Variants in BRMS1L observed in about 807,000 individuals in gnomAD.
The protein encoded by BRMS1L is breast cancer metastasis-suppressor 1-like protein.
BRMS1L carries 23 observed loss-of-function variants against 50.3 expected under a neutral mutation model. The ratio of observed to expected loss-of-function variants is 0.46; its 90% confidence interval spans 0.33 to 0.65. The LOEUF is 0.65. Among genes scored for constraint, BRMS1L ranks in the 30% least tolerant of loss-of-function variants. The probability of loss-of-function intolerance (pLI) is 0.02; values close to 1 mark genes in which losing one functional copy is unlikely to be tolerated. For synonymous variants in BRMS1L, 114 were observed against 126.9 expected (o/e 0.90, Z 0.69); for missense variants, 286 against 386.1 (o/e 0.74, Z 2.17).
intron 4 of BRMS1L, among the ~76,000 whole-genome samples, chr14:35,852,992 A>G (rs1276206167): frequency 6.7e-6 from 1 of 149,370 alleles, no homozygotes; most frequent in Non-Finnish European, 1.5e-5. Context: ...TTATATCTGT[A>G]TCTATCTATC....
chr14:35,866,604 CTGA>C (rs1490842587), intron 8 of BRMS1L, among the ~76,000 whole-genome samples: 2 of 152,110 alleles, frequency 1.3e-5, no homozygotes, highest in African/African-American at 2.4e-5. Context: ...TCTTGGGAGG[CTGA>C]GGTGGGAGGA....
rs139825231 is a variant in BRMS1L at position 35,852,909 on chromosome 14, C to G, written c.442-9681C>G. Among the ~76,000 whole-genome samples the G allele has an allele frequency of 6.5e-3, 980 of 151,296 alleles. 15 individuals are homozygous for G. The highest frequency in any genetic ancestry group is 0.023 in the African/African-American group (956 of 41,200). ...TAGTGTCACTGCTGTCCGGCCTGGG[C>G]GAAAGAGCGAGGCTCCGTCTCAAAA... On this transcript the variant is annotated intron_variant, in intron 4 of 9. Coordinates refer to ENST00000216807, the MANE Select transcript of BRMS1L (RefSeq NM_032352.4).
intron 4 of BRMS1L, among the ~76,000 whole-genome samples, chr14:35,852,461 C>A (rs1456915009): frequency 6.6e-6 from 1 of 152,148 alleles, no homozygotes; most frequent in Admixed American, 6.5e-5. Flanking sequence ...TCTTCCAGTC[C>A]ACGAACTCTG....
intron 4 of BRMS1L, among the ~76,000 whole-genome samples, chr14:35,846,140 G>A (rs1326447530): frequency 3.3e-5 from 5 of 151,946 alleles, no homozygotes; most frequent in African/African-American, 1.2e-4. Context: ...TAGTCCCAGC[G>A]CTTTGGGAGC....
intron 8 of BRMS1L, 138 bp downstream of exon 8, chr14:35,865,899 T>C: frequency 1.3e-6 from 1 of 746,212 alleles, no homozygotes; most frequent in South Asian, 1.9e-5. Context: ...TATGAGGAAT[T>C]CTTCTGGAGT....
rs747111316 is a variant in BRMS1L at position 35,834,938 on chromosome 14, C to A, written c.441+15C>A. ...AGCATTGTGAGGTACTGTCATTTTGCATAACTTTTAAGCTAATTTCATCTC... is the reference window on the plus strand; with the variant it reads ...AGCATTGTGAGGTACTGTCATTTTGAATAACTTTTAAGCTAATTTCATCTC... On this transcript the variant is annotated intron_variant, in intron 4 of 9. Transcript: ENST00000216807. 1 of 1,571,982 alleles carries A rather than the reference C, an allele frequency of 6.4e-7. No homozygotes were observed. Among genetic ancestry groups the A allele is most frequent in the Admixed American group, 1.8e-5 (1 of 54,656 alleles).
chr14:35,868,085 C>A, intron 9 of BRMS1L, 53 bp downstream of exon 9: 1 of 1,500,988 alleles, frequency 6.7e-7, no homozygotes, highest in Non-Finnish European at 8.9e-7. Context: ...TTTACAACAT[C>A]GTTGTCAGTG....
chr14:35,827,630 C>G (rs1464608913), intron 1 of BRMS1L, among the ~76,000 whole-genome samples: 1 of 152,150 alleles, frequency 6.6e-6, no homozygotes, highest in Non-Finnish European at 1.5e-5. Flanking sequence ...TTATGAGTGA[C>G]TTCTTTGTGC....
At chr14:35,869,951 A>G (rs769124479) in intron 9 of BRMS1L, among the ~76,000 whole-genome samples, 2 of 152,126 alleles carry the variant, frequency 1.3e-5, no homozygotes, top group African/African-American at 2.4e-5. Flanking sequence ...AAAAATTGGT[A>G]TAAGTACCGT....
intron 4 of BRMS1L, among the ~76,000 whole-genome samples, chr14:35,856,191 A>C (rs932795176): frequency 6.6e-6 from 1 of 152,234 alleles, no homozygotes; most frequent in Admixed American, 6.5e-5. Context: ...ACAGGCATGC[A>C]TACAGAAAGT....
intron 8 of BRMS1L, 25 bp downstream of exon 8, chr14:35,865,786 A>T: frequency 6.3e-7 from 1 of 1,596,332 alleles, no homozygotes; most frequent in South Asian, 1.1e-5. Flanking sequence ...CTGAGTTGGG[A>T]AATATTCTCT....
chr14:35,838,481 C>T (rs2078020713), intron 4 of BRMS1L, among the ~76,000 whole-genome samples: 2 of 151,574 alleles, frequency 1.3e-5, no homozygotes, highest in South Asian at 4.2e-4. Flanking sequence ...CTAATTTATA[C>T]TCCCACCAAC....
Position 35,834,866 on chromosome 14 carries a change from A to T in BRMS1L, c.384A>T (p.Leu128Phe). The T allele has an allele frequency of 6.3e-7, 1 of 1,588,318 alleles. No homozygotes were observed. Among genetic ancestry groups the T allele is most frequent in the Non-Finnish European group, 8.6e-7 (1 of 1,167,900 alleles). The change falls in exon 4 of 10, where the codon TTA (leucine) becomes TTT (phenylalanine). Residue 128 changes from leucine (L) to phenylalanine (F), a missense_variant. By Grantham distance (22) the Leu-to-Phe change is conservative. Transcript: ENST00000216807. ...CAGGAATCTATAGAGAGCTCTGCTT[A>T]GAATCTGTAAAGAACAAATATGAAT... ...KVAGIYRELC[L>F]ESVKNKYECE...
rs1348030200 is a variant in BRMS1L at position 35,868,015 on chromosome 14, A to G, written c.837A>G (p.Lys279=). 7 of 1,600,688 alleles carry G rather than the reference A, an allele frequency of 4.4e-6. No homozygotes were observed. The highest frequency in any genetic ancestry group is 1.1e-5 in the South Asian group (1 of 88,218). ...GACAAACAATATGTATTGATAAAAAAGATGAATGTCCTACAAGGTAAAAAA... is the reference window on the plus strand; with the variant it reads ...GACAAACAATATGTATTGATAAAAAGGATGAATGTCCTACAAGGTAAAAAA... ...IRGQTICIDK[K]DECPTSAVIT... is the part of the protein sequence containing the mutation. The change falls in exon 9 of 10, where the codon AAA becomes AAG. Residue 279 remains lysine (K), a synonymous_variant. Transcript: ENST00000216807.
chr14:35,871,738 A>G lies in BRMS1L; in HGVS notation c.*1261A>G, dbSNP rs1190842855. On this transcript the variant is annotated 3_prime_UTR_variant, in exon 10 of 10. Transcript: ENST00000216807. ...CCTCTCCAAACATCTTCCTGTGCAG[A>G]TCACTACTTCATAGTTGCCAAATTT... 6.5e-6 allele frequency: 1 copy of G among 152,678 alleles called. No homozygotes were observed. The highest frequency in any genetic ancestry group is 2.4e-5 in the African/African-American group (1 of 41,462). 9.5% of individuals were successfully genotyped at this position (152,678 alleles called of 1,614,324 possible).
chr14:35,870,517 T>C lies in BRMS1L; in HGVS notation c.*40T>C. Reference sequence around the variant, plus strand: ...TTATCTAAATTTACCTTATTAGTGTTACCAAATGTAAGTGCCATGAGAGTA... The same window carrying C: ...TTATCTAAATTTACCTTATTAGTGTCACCAAATGTAAGTGCCATGAGAGTA... On this transcript the variant is annotated 3_prime_UTR_variant, in exon 10 of 10. Coordinates refer to ENST00000216807, the MANE Select transcript of BRMS1L (RefSeq NM_032352.4). 7.8e-7 allele frequency: 1 copy of C among 1,280,030 alleles called. No homozygotes were observed. Among genetic ancestry groups the C allele is most frequent in the Non-Finnish European group, 1.1e-6 (1 of 895,468 alleles). 79.3% of individuals were successfully genotyped at this position (1,280,030 alleles called of 1,614,324 possible). A position where few individuals can be genotyped will look rare whatever the true frequency, so the allele number is the denominator to read the frequency against.
chr14:35,833,646 T>A (rs958545428), intron 3 of BRMS1L, among the ~76,000 whole-genome samples: 1 of 152,172 alleles, frequency 6.6e-6, no homozygotes, highest in Non-Finnish European at 1.5e-5. Flanking sequence ...TTTGTATGGT[T>A]ACATTTCAGT....
At chr14:35,858,702 A>T (rs549377223) in intron 4 of BRMS1L, 1 of 152,066 alleles carries the variant, frequency 6.6e-6, no homozygotes, top group Non-Finnish European at 1.5e-5. Flanking sequence ...AGGCTGGAGG[A>T]TCCGCTTCTA....
intron 2 of BRMS1L, among the ~76,000 whole-genome samples, chr14:35,832,349 C>CAA (rs869067604): frequency 4.2e-4 from 26 of 61,666 alleles, no homozygotes; most frequent in Non-Finnish European, 8.3e-4. Flanking sequence ...CTAAAAAATA[C>CAA]AAAAAAAAAA....
Sources: gnomAD v4.1 joint callset for allele counts (sites outside exome capture counted in the v4.1 genomes callset) on GRCh38, gnomAD v4.1.1 for gene constraint, MANE v1.5 for transcripts, NCBI Gene and HGNC (gene_info 2026-07-23, HGNC 2026-07-21) for gene names.